NMT2: variants seen among roughly 807,000 people sequenced by gnomAD.
NMT2 encodes the protein glycylpeptide N-tetradecanoyltransferase 2.
Under a neutral mutation model 65.4 loss-of-function variants are expected in NMT2, and 35 were observed. That is an observed-to-expected ratio of 0.54 (90% CI 0.41 to 0.71). The LOEUF is 0.71. Among genes scored for constraint, NMT2 ranks in the 30% least tolerant of loss-of-function variants. NMT2 has a pLI of 0.00. For missense variants in NMT2, 489 were observed against 611.3 expected (o/e 0.80, Z 2.11); for synonymous variants, 226 against 231.8 (o/e 0.98, Z 0.23).
intron 1 of NMT2, 41 bp downstream of exon 1, chr10:15,168,462 C>A (rs769719781): frequency 6.7e-7 from 1 of 1,487,414 alleles, no homozygotes; most frequent in Non-Finnish European, 9.2e-7. Context: ...GCGCGCGGTC[C>A]CCGCCCTGTC....
chr10:15,119,486 T>G lies in NMT2; in HGVS notation c.1027A>C (p.Met343Leu), dbSNP rs766751929. The change falls in exon 9 of 12, where the codon ATG (methionine) becomes CTG (leucine). Residue 343 changes from methionine to leucine, a missense_variant. Transcript: ENST00000378165. ...DVTKTSGLRP[M>L]EPKDIKSVRE... ...ACTGATTTGATATCTTTTGGTTCCATTGGTCTCAAACCTGAAGTCTTTGTA... is the reference window on the plus strand; with the variant it reads ...ACTGATTTGATATCTTTTGGTTCCAGTGGTCTCAAACCTGAAGTCTTTGTA... 1 of 1,613,946 alleles carries G rather than the reference T, an allele frequency of 6.2e-7. No homozygotes were observed. Among genetic ancestry groups the G allele is most frequent in the East Asian group, 2.2e-5 (1 of 44,898 alleles).
intron 2 of NMT2, among the ~76,000 whole-genome samples, chr10:15,137,887 T>A (rs773146802): frequency 1.3e-5 from 2 of 152,184 alleles, no homozygotes; most frequent in Non-Finnish European, 2.9e-5. Flanking sequence ...CAGAGTGATT[T>A]ATTCCCTACC....
intron 1 of NMT2, among the ~76,000 whole-genome samples, chr10:15,160,576 A>G (rs1239313639): frequency 7.2e-5 from 11 of 151,846 alleles, no homozygotes; most frequent in Admixed American, 6.6e-4. Context: ...GGAGTTCGAG[A>G]CCAGCCGGCC....
intron 9 of NMT2, 123 bp from the exon 10 acceptor site, chr10:15,113,086 G>A (rs1845620212): frequency 3.8e-6 from 4 of 1,055,960 alleles, no homozygotes; most frequent in Admixed American, 2.3e-5. Context: ...CTTCTTTCTC[G>A]GCAGTCCAAT....
rs536459420 is a variant in NMT2, at chr10:15,163,634, T to C, written c.110+4869A>G. Among the ~76,000 whole-genome samples, 160 of 152,338 alleles carry C rather than the reference T, an allele frequency of 1.1e-3. 1 individual carries two copies. The highest frequency in any genetic ancestry group is 3.5e-3 in the African/African-American group (146 of 41,580). ...CTAAATTTTCCATAAGAAAAACTTA[T>C]TGCAAGTCATAATGTTTCTGCATTT... On this transcript the variant is annotated intron_variant, in intron 1 of 11. Coordinates refer to ENST00000378165, the MANE Select transcript of NMT2 (RefSeq NM_004808.3).
intron 9 of NMT2, among the ~76,000 whole-genome samples, chr10:15,115,442 A>C (rs988534077): frequency 6.6e-6 from 1 of 152,226 alleles, no homozygotes; most frequent in Non-Finnish European, 1.5e-5. Context: ...CATCATAAAA[A>C]CTATACAAAT....
intron 1 of NMT2, among the ~76,000 whole-genome samples, chr10:15,156,290 T>G (rs1832995600): frequency 6.6e-6 from 1 of 152,074 alleles, no homozygotes; most frequent in South Asian, 2.1e-4. Context: ...ATAAAGGGCT[T>G]TCACCCCCCT....
rs10906832 is a variant in NMT2 at position 15,119,275 on chromosome 10, A to C, written c.1170+68T>G. Reference sequence around the variant, plus strand: ...AAATAGAAGGAAGTGTGTGTAAATAATTCTGCTGCACGCTGAACACAAAGG... The same window carrying C: ...AAATAGAAGGAAGTGTGTGTAAATACTTCTGCTGCACGCTGAACACAAAGG... On this transcript the variant is annotated intron_variant, in intron 9 of 11. Coordinates refer to ENST00000378165, the MANE Select transcript of NMT2 (RefSeq NM_004808.3). 283,059 of 1,396,150 alleles carry C rather than the reference A, an allele frequency of 0.2. 33,806 individuals carry two copies. Among genetic ancestry groups the C allele is most frequent in the African/African-American group, 0.53 (36,876 of 70,174 alleles). The allele number at this position is 1,396,150 out of a possible 1,614,324, so 86.5% of individuals were successfully genotyped here.
chr10:15,128,984 G>A (rs1846186643), intron 7 of NMT2, among the ~76,000 whole-genome samples: 1 of 152,064 alleles, frequency 6.6e-6, no homozygotes, highest in Non-Finnish European at 1.5e-5. Flanking sequence ...CTCCAGCATG[G>A]GCAACAGAGC....
Position 15,128,437 on chromosome 10 carries a change from G to A in NMT2, c.912C>T (p.Asn304=). Residue 304 remains asparagine, a synonymous_variant, in exon 8 of 12, where the codon AAC becomes AAT. Transcript: ENST00000378165. ...ATCRYWHRSL[N]PRKLVEVKFS... is the part of the protein sequence containing the mutation. ...ATTTCACTTCTACCAATTTTCTGGG[G>A]TTTAGTGATCGATGCCAGTATCTGG... is the stretch of plus-strand genomic sequence containing the variant. 6.2e-7 allele frequency: 1 copy of A among 1,605,914 alleles called. No homozygotes were observed.
chr10:15,166,820 G>C (rs1338846996), intron 1 of NMT2, among the ~76,000 whole-genome samples: 1 of 152,180 alleles, frequency 6.6e-6, no homozygotes, highest in Non-Finnish European at 1.5e-5. Context: ...CTTCTTGAAA[G>C]GTGTCGGGGG....
intron 1 of NMT2, among the ~76,000 whole-genome samples, chr10:15,167,946 C>T (rs111849869): frequency 3.6e-4 from 55 of 152,282 alleles, no homozygotes; most frequent in African/African-American, 1.3e-3. Flanking sequence ...ACCCCCTCGG[C>T]GCCAGAACTT....
intron 1 of NMT2, among the ~76,000 whole-genome samples, chr10:15,164,934 G>A (rs1219989172): frequency 2.6e-5 from 4 of 152,172 alleles, no homozygotes; most frequent in African/African-American, 9.7e-5. Context: ...GGGATGCAGA[G>A]GTGGGGATCA....
At chr10:15,111,069 G>C (rs1455242583) in intron 10 of NMT2, among the ~76,000 whole-genome samples, 1 of 151,974 alleles carries the variant, frequency 6.6e-6, no homozygotes, top group East Asian at 1.9e-4. Context: ...TGGGATTACA[G>C]GCATGAGCCA....
intron 9 of NMT2, among the ~76,000 whole-genome samples, chr10:15,115,060 A>G (rs1234811970): frequency 1.3e-5 from 2 of 152,194 alleles, no homozygotes; most frequent in Non-Finnish European, 2.9e-5. Flanking sequence ...GTAGTCTCAC[A>G]CAAATGGAAA....
chr10:15,115,050 G>A (rs2131483524), intron 9 of NMT2, among the ~76,000 whole-genome samples: 1 of 151,980 alleles, frequency 6.6e-6, no homozygotes, highest in East Asian at 1.9e-4. Context: ...AAAAACAGAG[G>A]TAGTCTCACA....
chr10:15,113,107 T>G, intron 9 of NMT2, 144 bp from the exon 10 acceptor site: 1 of 800,740 alleles, frequency 1.2e-6, no homozygotes, highest in Non-Finnish European at 2.0e-6. Flanking sequence ...TTGGGGCCCC[T>G]TATATTGTGC....
chr10:15,163,664 A>G (rs950515353), intron 1 of NMT2, among the ~76,000 whole-genome samples: 4 of 152,206 alleles, frequency 2.6e-5, no homozygotes, highest in African/African-American at 4.8e-5. Flanking sequence ...GCATTTTCCC[A>G]CTGATACCAC....
chr10:15,130,021 G>C (rs570852929), intron 7 of NMT2, 121 bp downstream of exon 7: 18 of 714,820 alleles, frequency 2.5e-5, no homozygotes, highest in African/African-American at 9.1e-5. Flanking sequence ...TACTGGACTT[G>C]GTGATTCTAG....
Sources: allele counts gnomAD v4.1 joint callset (sites outside exome capture counted in the v4.1 genomes callset), GRCh38; gene constraint gnomAD v4.1.1; transcripts MANE v1.5; gene names NCBI Gene and HGNC (gene_info 2026-07-23, HGNC 2026-07-21).